Variants in CDH1 observed in about 807,000 individuals in gnomAD.
The protein encoded by CDH1 is cadherin-1.
In CDH1, 35 loss-of-function variants were observed where a neutral mutation model predicts 84.5. That is an observed-to-expected ratio of 0.41 (90% CI 0.32 to 0.55). CDH1 has a LOEUF of 0.55. Among genes scored for constraint, CDH1 ranks in the 20% least tolerant of loss-of-function variants. The probability of loss-of-function intolerance (pLI) is 0.19; values close to 1 mark genes in which losing one functional copy is unlikely to be tolerated. For synonymous variants in CDH1, 417 were observed against 439.0 expected, an observed-to-expected ratio of 0.95 and a Z score of 0.63; for missense variants, 994 against 1,126.6, an observed-to-expected ratio of 0.88 and a Z score of 1.68.
chr16:68,810,283 C>T lies in CDH1; in HGVS notation c.774C>T (p.Asn258=), dbSNP rs1057522747. 1.9e-6 allele frequency: 3 copies of T among 1,613,994 alleles called. No homozygotes were observed. The highest frequency in any genetic ancestry group is 1.3e-5 in the African/African-American group (1 of 74,924). The change falls in exon 6 of 16, where the codon AAC becomes AAT. Residue 258 remains asparagine (N), a synonymous_variant. Coordinates refer to ENST00000261769, the MANE Select transcript of CDH1 (RefSeq NM_004360.5). ...TCACGGTAACCGATCAGAATGACAA[C>T]AAGCCCGAATTCACCCAGGAGGTCT... ...ILITVTDQND[N]KPEFTQEVFK...
chr16:68,753,850 T>C (rs1597851474), intron 2 of CDH1, among the ~76,000 whole-genome samples: 1 of 151,964 alleles, frequency 6.6e-6, no homozygotes, highest in African/African-American at 2.4e-5. Flanking sequence ...CAGGGCACGG[T>C]GGCCGACTGT....
chr16:68,785,947 G>A (rs1597873721), intron 2 of CDH1, among the ~76,000 whole-genome samples: 1 of 152,132 alleles, frequency 6.6e-6, no homozygotes, highest in Non-Finnish European at 1.5e-5. Flanking sequence ...CAGGTAAATG[G>A]CCCATGGAGC....
At chr16:68,825,978 A>G (rs1164046959) in intron 13 of CDH1, among the ~76,000 whole-genome samples, 1 of 151,412 alleles carries the variant, frequency 6.6e-6, no homozygotes, top group African/African-American at 2.4e-5. Context: ...CACCACACCC[A>G]GCTAATTTTT....
chr16:68,823,147 C>A, intron 12 of CDH1: 1 of 494,400 alleles, frequency 2.0e-6, no homozygotes, highest in Non-Finnish European at 3.6e-6. Flanking sequence ...CTGCCTAAGC[C>A]TCTCCCTCCA....
chr16:68,745,549 A>AAATATATATTTATATATGT (rs1555510453), intron 2 of CDH1, among the ~76,000 whole-genome samples: 1 of 75,182 alleles, frequency 1.3e-5, no homozygotes, highest in Non-Finnish European at 2.4e-5. Flanking sequence ...AAAAAAAAAA[A>AAATATATATTTATATATGT]ATATATATAT....
intron 12 of CDH1, 111 bp downstream of exon 12, chr16:68,822,336 A>G: frequency 2.6e-6 from 2 of 768,642 alleles, no homozygotes; most frequent in South Asian, 1.4e-5. Flanking sequence ...CACCCCTTCC[A>G]TTGATACTTG....
At chr16:68,787,248 A>C (rs1960078886) in intron 2 of CDH1, among the ~76,000 whole-genome samples, 1 of 152,214 alleles carries the variant, frequency 6.6e-6, no homozygotes, top group Admixed American at 6.5e-5. Context: ...GAAGAACAGA[A>C]GCTTTGGTGC....
At chr16:68,798,441 A>T (rs1597882541) in intron 2 of CDH1, among the ~76,000 whole-genome samples, 1 of 152,084 alleles carries the variant, frequency 6.6e-6, no homozygotes, top group Non-Finnish European at 1.5e-5. Context: ...TCCTATAATC[A>T]GCCCAGGGGA....
chr16:68,811,655 TA>T (rs1162786792), intron 6 of CDH1, 28 bp from the exon 7 acceptor site: 1 of 1,611,152 alleles, frequency 6.2e-7, no homozygotes, highest in East Asian at 2.2e-5. Context: ...GCAGCTTGTC[TA>T]AACCTTCATC....
chr16:68,754,226 T>C (rs956430938), intron 2 of CDH1, among the ~76,000 whole-genome samples: 3 of 151,148 alleles, frequency 2.0e-5, no homozygotes, highest in Non-Finnish European at 1.5e-5. Context: ...CTGGGCAACA[T>C]AGGGAGACCC....
chr16:68,789,869 G>A lies in CDH1; in HGVS notation c.164-11801G>A, dbSNP rs1055836737. On this transcript the variant is annotated intron_variant, in intron 2 of 15. Coordinates refer to ENST00000261769, the MANE Select transcript of CDH1 (RefSeq NM_004360.5). ...GATGTTGGGAGTTCGAGACCTGCCC[G>A]ACCAACATGGAGAAACCCCATCTCT... Among the ~76,000 whole-genome samples, 4 of 152,214 alleles carry A rather than the reference G, an allele frequency of 2.6e-5. No individual in the cohort carries two copies. In the South Asian group the frequency reaches 8.3e-4, roughly 32 times the overall value.
chr16:68,767,977 T>C (rs8056761), intron 2 of CDH1, among the ~76,000 whole-genome samples: 44,386 of 151,344 alleles, frequency 0.29, 6,607 homozygotes, highest in Middle Eastern at 0.33. Flanking sequence ...TTTTTTGAGA[T>C]GGAGCTTTGC....
At chr16:68,760,088 T>TA (rs1567482267) in intron 2 of CDH1, among the ~76,000 whole-genome samples, 4,800 of 63,004 alleles carry the variant, frequency 0.076, 96 homozygotes, top group South Asian at 0.15. Flanking sequence ...ATATATATAT[T>TA]TTTTTTTTTT....
chr16:68,794,073 G>C (rs1425672000), intron 2 of CDH1, among the ~76,000 whole-genome samples: 2 of 151,884 alleles, frequency 1.3e-5, no homozygotes, highest in Non-Finnish European at 2.9e-5. Context: ...TCACTCTGTT[G>C]CCCAGGCTGA....
chr16:68,802,169 C>T (rs1258602393), intron 3 of CDH1, among the ~76,000 whole-genome samples: 2 of 152,202 alleles, frequency 1.3e-5, no homozygotes, highest in African/African-American at 4.8e-5. Flanking sequence ...CTTGGCCTAA[C>T]TGAATAATTC....
rs763057857 is a variant in CDH1 at position 68,794,726 on chromosome 16, G to A, written c.164-6944G>A. Among the ~76,000 whole-genome samples, 69 of 140,420 alleles carry A rather than the reference G, an allele frequency of 4.9e-4. 1 individual carries two copies. Among genetic ancestry groups the A allele is most frequent in the African/African-American group, 7.2e-4 (27 of 37,370 alleles). The allele number at this position is 140,420 out of a possible 152,430, so 92.1% of individuals were successfully genotyped here. A position where few individuals can be genotyped will look rare whatever the true frequency, so the allele number is the denominator to read the frequency against. ...TTTTGAGATGGAGTCTCGCTCAGTC[G>A]CCCAGGCTGGAGTGCAGTGGCACGA... On this transcript the variant is annotated intron_variant, in intron 2 of 15. Transcript: ENST00000261769.
chr16:68,833,405 A>C lies in CDH1; in HGVS notation c.2555A>C (p.Glu852Ala), dbSNP rs1485384861. Residue 852 changes from glutamate (E) to alanine (A), a missense_variant, in exon 16 of 16, where the codon GAG becomes GCG. Glu to Ala is a moderately radical substitution (Grantham distance 107, BLOSUM62 -1). Transcript: ENST00000261769. Reference sequence around the variant, plus strand: ...AGTCTGAGCTCCCTGAACTCCTCAGAGTCAGACAAAGACCAGGACTATGAC... The same window carrying C: ...AGTCTGAGCTCCCTGAACTCCTCAGCGTCAGACAAAGACCAGGACTATGAC... ...AASLSSLNSS[E>A]SDKDQDYDYL... is the part of the protein sequence containing the mutation. The C allele has an allele frequency of 6.2e-7, 1 of 1,614,064 alleles. No individual in the cohort carries two copies. Among genetic ancestry groups the C allele is most frequent in the African/African-American group, 1.3e-5 (1 of 74,930 alleles).
At chr16:68,787,160 A>G (rs1453510084) in intron 2 of CDH1, among the ~76,000 whole-genome samples, 2 of 152,074 alleles carry the variant, frequency 1.3e-5, no homozygotes, top group African/African-American at 4.8e-5. Flanking sequence ...ATAGAGAATA[A>G]ATCTGTGGTT....
chr16:68,754,869 G>A (rs1962978864), intron 2 of CDH1, among the ~76,000 whole-genome samples: 1 of 152,130 alleles, frequency 6.6e-6, no homozygotes, highest in African/African-American at 2.4e-5. Context: ...ATGGAAGAAA[G>A]AATAAAACTC....
Sources: gnomAD v4.1 joint callset for allele counts (sites outside exome capture counted in the v4.1 genomes callset) on GRCh38, gnomAD v4.1.1 for gene constraint, MANE v1.5 for transcripts, NCBI Gene and HGNC (gene_info 2026-07-23, HGNC 2026-07-21) for gene names.